TMTC1: variants seen among roughly 807,000 people sequenced by gnomAD.
TMTC1 encodes protein O-mannosyl-transferase TMTC1.
TMTC1 carries 73 observed loss-of-function variants against 104.8 expected under a neutral mutation model. That is an observed-to-expected ratio of 0.70 (90% confidence interval 0.58 to 0.85). The LOEUF is 0.85. Ranked by LOEUF, TMTC1 falls within the 40% of genes least tolerant of loss-of-function variation. The pLI, the probability that TMTC1 is intolerant of heterozygous loss-of-function variation, is 0.00. For synonymous variants in TMTC1, 434 were observed against 428.7 expected, an observed-to-expected ratio of 1.01 and a Z score of -0.15; for missense variants, 1,035 against 1,096.1, an observed-to-expected ratio of 0.94 and a Z score of 0.79.
intron 5 of TMTC1, among the ~76,000 whole-genome samples, chr12:29,725,210 G>A (rs1942355250): frequency 6.6e-6 from 1 of 150,738 alleles, no homozygotes; most frequent in South Asian, 2.1e-4. Flanking sequence ...TTTTTTAGTA[G>A]AGATGGGGGT....
intron 5 of TMTC1, among the ~76,000 whole-genome samples, chr12:29,643,460 TGG>T (rs1938973454): frequency 1.8e-5 from 1 of 55,608 alleles, no homozygotes; most frequent in Non-Finnish European, 3.6e-5. Context: ...ATATATATGA[TGG>T]AATATATATA....
intron 6 of TMTC1, among the ~76,000 whole-genome samples, chr12:29,621,677 TA>T (rs1303955032): frequency 6.6e-6 from 1 of 152,204 alleles, no homozygotes. Flanking sequence ...GTGGGAATTT[TA>T]TTTAAAGAGA....
intron 1 of TMTC1, among the ~76,000 whole-genome samples, chr12:29,780,575 TC>T (rs1257705293): frequency 6.6e-6 from 1 of 152,162 alleles, no homozygotes; most frequent in Admixed American, 6.5e-5. Context: ...ATGGAATTGT[TC>T]CGTATCTTGA....
rs1943675944 is a variant in TMTC1, at chr12:29,505,387, T to G, written c.*1459A>C. 6.6e-6 allele frequency: 1 copy of G among 152,200 alleles called. No individual in the cohort carries two copies. Among genetic ancestry groups the G allele is most frequent in the Non-Finnish European group, 1.5e-5 (1 of 68,040 alleles). 9.4% of individuals were successfully genotyped at this position (152,200 alleles called of 1,614,324 possible). A position where few individuals can be genotyped will look rare whatever the true frequency, so the allele number is the denominator to read the frequency against. On this transcript the variant is annotated 3_prime_UTR_variant, in exon 18 of 18. Transcript: ENST00000539277. ...TGATGAAGACCAAATTAGAAACAGG[T>G]GTTCCAATTTCTTCACTTCCAAAAT...
At chr12:29,625,620 T>G (rs1339761917) in intron 6 of TMTC1, among the ~76,000 whole-genome samples, 1 of 152,230 alleles carries the variant, frequency 6.6e-6, no homozygotes, top group African/African-American at 2.4e-5. Flanking sequence ...ATTAAAGTGA[T>G]TTTGAAACAA....
intron 5 of TMTC1, among the ~76,000 whole-genome samples, chr12:29,707,915 A>C (rs1026278987): frequency 1.3e-5 from 2 of 152,308 alleles, no homozygotes; most frequent in East Asian, 3.9e-4. Flanking sequence ...TTTTGTTTCT[A>C]GCCCCTTGAC....
At chr12:29,581,535 G>A (rs1463388562) in intron 8 of TMTC1, among the ~76,000 whole-genome samples, 2 of 152,058 alleles carry the variant, frequency 1.3e-5, no homozygotes, top group Non-Finnish European at 2.9e-5. Context: ...GAAGCTTCTG[G>A]ATGCAAGGCC....
intron 11 of TMTC1, among the ~76,000 whole-genome samples, chr12:29,522,313 A>G (rs1217836446): frequency 1.3e-5 from 2 of 152,208 alleles, no homozygotes; most frequent in Non-Finnish European, 2.9e-5. Flanking sequence ...AGAATGACCA[A>G]TGCCATCTAT....
At chr12:29,712,074 T>TG (rs1213389735) in intron 5 of TMTC1, among the ~76,000 whole-genome samples, 8 of 148,024 alleles carry the variant, frequency 5.4e-5, no homozygotes, top group Admixed American at 2.7e-4. Context: ...TGGGAAGCTC[T>TG]TCATCAGGGG....
At chr12:29,568,960 T>A (rs760273360) in intron 9 of TMTC1, 3 of 455,918 alleles carry the variant, frequency 6.6e-6, no homozygotes, top group African/African-American at 4.0e-5. Context: ...ATCTCCAGCA[T>A]AGATAATCCC....
chr12:29,589,526 T>A (rs1236942780), intron 7 of TMTC1, among the ~76,000 whole-genome samples: 1 of 152,204 alleles, frequency 6.6e-6, no homozygotes, highest in African/African-American at 2.4e-5. Flanking sequence ...TAACACCTCA[T>A]CACACAACAT....
chr12:29,698,593 T>G (rs1941492257), intron 5 of TMTC1, among the ~76,000 whole-genome samples: 1 of 152,168 alleles, frequency 6.6e-6, no homozygotes, highest in African/African-American at 2.4e-5. Context: ...CATGGAACAC[T>G]AAAAAGGGAT....
intron 7 of TMTC1, among the ~76,000 whole-genome samples, chr12:29,603,062 T>C (rs1027849503): frequency 1.3e-5 from 2 of 152,182 alleles, no homozygotes; most frequent in African/African-American, 2.4e-5. Context: ...TTAAACCACG[T>C]AGAATATAAA....
intron 5 of TMTC1, among the ~76,000 whole-genome samples, chr12:29,681,916 G>T (rs1321569839): frequency 6.6e-6 from 1 of 152,128 alleles, no homozygotes; most frequent in African/African-American, 2.4e-5. Flanking sequence ...ATTGTTGAAG[G>T]TGAAAGATGA....
chr12:29,675,630 A>ACACC (rs1555185783), intron 5 of TMTC1, among the ~76,000 whole-genome samples: 14,318 of 94,772 alleles, frequency 0.15, 830 homozygotes, highest in East Asian at 0.25. Flanking sequence ...ACACACACAC[A>ACACC]CCCTCCATGA....
intron 15 of TMTC1, among the ~76,000 whole-genome samples, chr12:29,516,132 AG>A (rs1342325189): frequency 6.6e-6 from 1 of 152,194 alleles, no homozygotes; most frequent in African/African-American, 2.4e-5. Flanking sequence ...ACCACATAAA[AG>A]CTTTACACCA....
At chr12:29,602,823 C>G (rs1946601922) in intron 7 of TMTC1, among the ~76,000 whole-genome samples, 1 of 152,122 alleles carries the variant, frequency 6.6e-6, no homozygotes, top group Non-Finnish European at 1.5e-5. Flanking sequence ...GATTCACTTA[C>G]TTGTGTAGCA....
At chr12:29,577,769 G>T (rs1234550095) in intron 8 of TMTC1, among the ~76,000 whole-genome samples, 1 of 151,920 alleles carries the variant, frequency 6.6e-6, no homozygotes, top group East Asian at 1.9e-4. Context: ...ATACCTTTAT[G>T]GTTTATAAAA....
At chr12:29,674,943 A>C (rs12228730) in intron 5 of TMTC1, among the ~76,000 whole-genome samples, 1 of 152,018 alleles carries the variant, frequency 6.6e-6, no homozygotes, top group Non-Finnish European at 1.5e-5. Flanking sequence ...TGATTTTCAC[A>C]GGGGCTTGTT....
Sources: gnomAD v4.1 joint callset for allele counts (sites outside exome capture counted in the v4.1 genomes callset) on GRCh38, gnomAD v4.1.1 for gene constraint, MANE v1.5 for transcripts, NCBI Gene and HGNC (gene_info 2026-07-23, HGNC 2026-07-21) for gene names.